Variants in RAPGEF5 observed in about 807,000 individuals in gnomAD.
RAPGEF5 encodes M-Ras-regulated GEF.
A neutral mutation model predicts 125.2 loss-of-function variants in RAPGEF5; 65 were observed. The ratio of observed to expected loss-of-function variants is 0.52; its 90% CI spans 0.43 to 0.64. RAPGEF5 has a LOEUF of 0.64. Ranked by LOEUF, RAPGEF5 falls within the 30% of genes least tolerant of loss-of-function variation. The pLI is 0.00. For synonymous variants in RAPGEF5, 391 were observed against 385.9 expected, an observed-to-expected ratio of 1.01 and a Z score of -0.16; for missense variants, 958 against 1,048.1, an observed-to-expected ratio of 0.91 and a Z score of 1.19.
chr7:22,241,834 C>T (rs570596838), intron 7 of RAPGEF5, among the ~76,000 whole-genome samples: 1 of 152,132 alleles, frequency 6.6e-6, no homozygotes, highest in Non-Finnish European at 1.5e-5. Flanking sequence ...TATTCCAACA[C>T]CCAAAGCAGA....
intron 7 of RAPGEF5, among the ~76,000 whole-genome samples, chr7:22,240,974 G>C (rs1221177331): frequency 6.6e-6 from 1 of 152,146 alleles, no homozygotes; most frequent in East Asian, 1.9e-4. Context: ...ACAAGCCCCA[G>C]AAGCATGTGC....
intron 7 of RAPGEF5, among the ~76,000 whole-genome samples, chr7:22,237,322 C>A (rs939844178): frequency 2.0e-5 from 3 of 151,400 alleles, no homozygotes; most frequent in East Asian, 1.9e-4. Flanking sequence ...GTGAAACTGA[C>A]CCAATAGTCC....
chr7:22,269,556 G>A lies in RAPGEF5; in HGVS notation c.748-2544C>T, dbSNP rs906483437. ...GGAGAGAAAAAACTTCCCGAGGGAG[G>A]ACAATGAAAATTCAGAGAAGGCATT... On this transcript the variant is annotated intron_variant, in intron 6 of 25. Coordinates refer to ENST00000665637, the MANE Select transcript of RAPGEF5 (RefSeq NM_012294.5). 3.3e-5 allele frequency among the ~76,000 whole-genome samples: 5 copies of A among 152,168 alleles called. 1 individual carries two copies. The highest frequency in any genetic ancestry group is 3.8e-4 in the East Asian group (2 of 5,202).
intron 7 of RAPGEF5, among the ~76,000 whole-genome samples, chr7:22,254,263 TACTC>T (rs1351366413): frequency 1.3e-5 from 2 of 151,694 alleles, no homozygotes; most frequent in Non-Finnish European, 2.9e-5. Flanking sequence ...ATGTGATTGT[TACTC>T]ACAGTAGATC....
chr7:22,220,227 A>G, intron 8 of RAPGEF5: 1 of 443,430 alleles, frequency 2.3e-6, no homozygotes, highest in South Asian at 4.3e-5. Flanking sequence ...AGGGTGAAGG[A>G]CAGAGCAAAC....
chr7:22,318,128 C>T (rs1052318723), intron 1 of RAPGEF5, 91 bp from the exon 2 acceptor site: 16 of 1,275,410 alleles, frequency 1.3e-5, no homozygotes, highest in Non-Finnish European at 1.6e-5. Flanking sequence ...CCAGGGCAGG[C>T]CTCTGCTATG....
chr7:22,283,279 C>T (rs1636892), intron 6 of RAPGEF5, among the ~76,000 whole-genome samples: 61,968 of 151,948 alleles, frequency 0.41, 13,498 homozygotes, highest in African/African-American at 0.58. Flanking sequence ...TTTACAAACA[C>T]AGGAAATGAA....
intron 9 of RAPGEF5, among the ~76,000 whole-genome samples, chr7:22,207,505 A>G (rs570490974): frequency 1.3e-5 from 2 of 152,194 alleles, no homozygotes; most frequent in South Asian, 4.1e-4. Flanking sequence ...TTAAATTTTT[A>G]TTTTCTTCCT....
chr7:22,222,972 T>C (rs1785828533), intron 8 of RAPGEF5, among the ~76,000 whole-genome samples: 1 of 115,546 alleles, frequency 8.7e-6, no homozygotes, highest in African/African-American at 3.3e-5. Flanking sequence ...GATGGAGTTG[T>C]CATGGGGGGA....
chr7:22,229,684 CG>C (rs1455520736), intron 8 of RAPGEF5, among the ~76,000 whole-genome samples: 2 of 152,188 alleles, frequency 1.3e-5, no homozygotes, highest in African/African-American at 4.8e-5. Flanking sequence ...CTTATATAGA[CG>C]GGCCTGCAGA....
At chr7:22,288,773 C>T (rs1305435271) in intron 6 of RAPGEF5, among the ~76,000 whole-genome samples, 2 of 152,144 alleles carry the variant, frequency 1.3e-5, no homozygotes, top group African/African-American at 2.4e-5. Context: ...TCTTTGTGTT[C>T]GTTTTTGAAG....
chr7:22,154,529 A>G lies in RAPGEF5; in HGVS notation c.1712T>C (p.Ile571Thr). 6.2e-7 allele frequency: 1 copy of G among 1,613,898 alleles called. No homozygotes were observed. Among genetic ancestry groups the G allele is most frequent in the Non-Finnish European group, 8.5e-7 (1 of 1,179,822 alleles). ...GATCTTTTCTGCCACGACTTTTAGG[A>G]TCTCTTGGGCTATACTGGAAACTTT... ...KAKVSSIAQE[I>T]LKVVAEKIQY... The change falls in exon 17 of 26, where the codon ATC (isoleucine) becomes ACC (threonine). Residue 571 changes from isoleucine (I) to threonine (T), a missense_variant. Physicochemically the swap from Ile to Thr is moderately conservative, Grantham distance 89. Transcript: ENST00000665637.
chr7:22,156,682 A>T lies in RAPGEF5; in HGVS notation c.1636+128T>A. The T allele has an allele frequency of 2.1e-6, 3 of 1,436,512 alleles. No homozygotes were observed. In the South Asian group the frequency reaches 4.2e-5, roughly 20 times the overall value. The allele number at this position is 1,436,512 out of a possible 1,614,324, so 89.0% of individuals were successfully genotyped here. A position where few individuals can be genotyped will look rare whatever the true frequency, so the allele number is the denominator to read the frequency against. Reference sequence around the variant, plus strand: ...AAGAAAAGAAAAACCATGCTGTTTGAGGCTAACGTGCTTATCTGAGGGGTG... The same window carrying T: ...AAGAAAAGAAAAACCATGCTGTTTGTGGCTAACGTGCTTATCTGAGGGGTG... On this transcript the variant is annotated intron_variant, in intron 16 of 25. Coordinates refer to ENST00000665637, the MANE Select transcript of RAPGEF5 (RefSeq NM_012294.5).
chr7:22,240,438 C>T (rs1345027906), intron 7 of RAPGEF5, among the ~76,000 whole-genome samples: 1 of 151,816 alleles, frequency 6.6e-6, no homozygotes, highest in East Asian at 1.9e-4. Flanking sequence ...GTGGCGCCAT[C>T]TCGGCTCACT....
intron 8 of RAPGEF5, among the ~76,000 whole-genome samples, chr7:22,228,625 G>A (rs535535209): frequency 6.6e-5 from 10 of 151,442 alleles, no homozygotes; most frequent in African/African-American, 1.9e-4. Context: ...CTCCTGCTTC[G>A]GCCTCCCAAG....
chr7:22,123,813 G>A (rs1782656011), intron 25 of RAPGEF5, among the ~76,000 whole-genome samples: 1 of 152,192 alleles, frequency 6.6e-6, no homozygotes, highest in African/African-American at 2.4e-5. Context: ...ATGCTACAAA[G>A]GTAATTTTAT....
In RAPGEF5 at chr7:22,315,483, G is replaced by A; in HGVS notation, c.283-7C>T. ...AAGAATTCTCTCCATAAATCTAAATGGAAAAGACAGTCACTGTAAATATAG... is the reference window on the plus strand; with the variant it reads ...AAGAATTCTCTCCATAAATCTAAATAGAAAAGACAGTCACTGTAAATATAG... On this transcript the variant is annotated splice_region_variant and splice_polypyrimidine_tract_variant and intron_variant, in intron 2 of 25. Coordinates refer to ENST00000665637, the MANE Select transcript of RAPGEF5 (RefSeq NM_012294.5). 6.9e-7 allele frequency: 1 copy of A among 1,457,958 alleles called. No homozygotes were observed. Among genetic ancestry groups the A allele is most frequent in the South Asian group, 1.4e-5 (1 of 70,084 alleles). 90.3% of individuals were successfully genotyped at this position (1,457,958 alleles called of 1,614,324 possible).
chr7:22,285,393 A>C (rs1028612905), intron 6 of RAPGEF5, among the ~76,000 whole-genome samples: 1 of 152,192 alleles, frequency 6.6e-6, no homozygotes, highest in African/African-American at 2.4e-5. Context: ...CTTGGCACAC[A>C]ATCTCTTAAA....
intron 6 of RAPGEF5, among the ~76,000 whole-genome samples, chr7:22,273,251 C>T (rs933110137): frequency 3.3e-5 from 4 of 120,138 alleles, no homozygotes; most frequent in African/African-American, 1.3e-4. Context: ...CAGAGTCTGG[C>T]TCTGTCGCCC....
Sources: gnomAD v4.1 joint callset for allele counts (sites outside exome capture counted in the v4.1 genomes callset) on GRCh38, gnomAD v4.1.1 for gene constraint, MANE v1.5 for transcripts, NCBI Gene and HGNC (gene_info 2026-07-23, HGNC 2026-07-21) for gene names.